The following CCDC178 variants were observed in gnomAD, a reference collection of about 807,000 sequenced individuals.
CCDC178 encodes coiled-coil domain containing 178.
CCDC178 carries 126 observed loss-of-function variants against 117.4 expected under a neutral mutation model. That is an observed-to-expected ratio of 1.07 (90% CI 0.93 to 1.24). CCDC178 has a LOEUF of 1.24. Among genes scored for constraint, CCDC178 ranks in the 50% most tolerant of loss-of-function variants. The probability of loss-of-function intolerance (pLI) is 0.00; values close to 1 mark genes in which losing one functional copy is unlikely to be tolerated. For synonymous variants in CCDC178, 283 were observed against 313.4 expected (o/e 0.90, Z 1.02); for missense variants, 1,030 against 986.9 (o/e 1.04, Z -0.59).
intron 20 of CCDC178, among the ~76,000 whole-genome samples, chr18:33,143,273 T>C (rs1293940251): frequency 6.6e-6 from 1 of 152,166 alleles, no homozygotes; most frequent in African/African-American, 2.4e-5. Flanking sequence ...CTGGAAAGTA[T>C]CTTTTCAGTG....
chr18:33,075,440 G>A (rs1000295571), intron 21 of CCDC178, among the ~76,000 whole-genome samples: 1 of 151,986 alleles, frequency 6.6e-6, no homozygotes, highest in Non-Finnish European at 1.5e-5. Flanking sequence ...TACCACAAAG[G>A]TAAATGCTTG....
chr18:33,083,848 G>C (rs747162236), intron 21 of CCDC178, among the ~76,000 whole-genome samples: 4 of 152,098 alleles, frequency 2.6e-5, no homozygotes, highest in African/African-American at 9.7e-5. Flanking sequence ...TCTTTTTCAT[G>C]ATGTTGATAA....
At chr18:32,956,332 C>T (rs1022065689) in intron 22 of CCDC178, among the ~76,000 whole-genome samples, 1 of 152,234 alleles carries the variant, frequency 6.6e-6, no homozygotes, top group South Asian at 2.1e-4. Flanking sequence ...CTAAGAAATA[C>T]AGCATAAAGT....
intron 11 of CCDC178, among the ~76,000 whole-genome samples, chr18:33,301,847 T>C (rs1382146503): frequency 6.6e-6 from 1 of 152,186 alleles, no homozygotes; most frequent in Non-Finnish European, 1.5e-5. Flanking sequence ...AGATGAGACT[T>C]AGGACTTTGG....
intron 20 of CCDC178, among the ~76,000 whole-genome samples, chr18:33,115,573 C>T (rs534002767): frequency 2.6e-5 from 4 of 152,066 alleles, no homozygotes; most frequent in African/African-American, 7.2e-5. Context: ...TAGTAATCAC[C>T]GAACAAAGAT....
At chr18:33,316,657 G>C (rs2062423261) in intron 11 of CCDC178, among the ~76,000 whole-genome samples, 1 of 152,196 alleles carries the variant, frequency 6.6e-6, no homozygotes, top group Admixed American at 6.5e-5. Context: ...TTTATGTCTA[G>C]CTAAGGGATT....
rs1051962848 is a variant in CCDC178 at position 32,937,950 on chromosome 18, T to G, written c.*61A>C. 1 of 1,298,888 alleles carries G rather than the reference T, an allele frequency of 7.7e-7. No individual in the cohort carries two copies. Among genetic ancestry groups the G allele is most frequent in the Non-Finnish European group, 1.1e-6 (1 of 894,642 alleles). The allele number at this position is 1,298,888 out of a possible 1,614,324, so 80.5% of individuals were successfully genotyped here. A position where few individuals can be genotyped will look rare whatever the true frequency, so the allele number is the denominator to read the frequency against. On this transcript the variant is annotated 3_prime_UTR_variant, in exon 23 of 23. Transcript: ENST00000383096. Reference sequence around the variant, plus strand: ...AGGTGAATGTCCAATTACACTGTTATCTGAACTGTGTGACTTTTCTTGTCT... The same window carrying G: ...AGGTGAATGTCCAATTACACTGTTAGCTGAACTGTGTGACTTTTCTTGTCT...
intron 20 of CCDC178, among the ~76,000 whole-genome samples, chr18:33,198,157 G>A (rs1159866451): frequency 6.6e-6 from 1 of 152,064 alleles, no homozygotes; most frequent in African/African-American, 2.4e-5. Flanking sequence ...AGAGCATCAG[G>A]GCCACATTCA....
intron 14 of CCDC178, among the ~76,000 whole-genome samples, chr18:33,249,562 A>G (rs1486332048): frequency 6.6e-6 from 1 of 152,050 alleles, no homozygotes; most frequent in African/African-American, 2.4e-5. Flanking sequence ...AGGTTTGTTG[A>G]AGATCAGATG....
intron 5 of CCDC178, among the ~76,000 whole-genome samples, chr18:33,373,932 C>T (rs1374042859): frequency 6.6e-6 from 1 of 152,096 alleles, no homozygotes; most frequent in African/African-American, 2.4e-5. Flanking sequence ...AACTCTAAAT[C>T]TGGATTTTAA....
intron 21 of CCDC178, among the ~76,000 whole-genome samples, chr18:33,023,513 T>A (rs1198971193): frequency 1.3e-5 from 2 of 152,138 alleles, no homozygotes; most frequent in African/African-American, 4.8e-5. Flanking sequence ...AAAAAGTACA[T>A]TGAACTGAAT....
At chr18:33,136,399 T>G (rs958233369) in intron 20 of CCDC178, among the ~76,000 whole-genome samples, 2 of 152,166 alleles carry the variant, frequency 1.3e-5, no homozygotes, top group African/African-American at 2.4e-5. Flanking sequence ...CACTATGAGG[T>G]AGCAGAAGCA....
intron 21 of CCDC178, among the ~76,000 whole-genome samples, chr18:33,062,514 A>G (rs925173950): frequency 5.9e-5 from 9 of 152,152 alleles, no homozygotes; most frequent in Non-Finnish European, 1.2e-4. Context: ...AAAGCAGCCA[A>G]CCTGGCTGGA....
intron 20 of CCDC178, among the ~76,000 whole-genome samples, chr18:33,148,679 T>C (rs1028380796): frequency 2.6e-5 from 4 of 152,170 alleles, no homozygotes; most frequent in African/African-American, 9.7e-5. Context: ...CTAGGTGTCA[T>C]GCGACTGAGG....
At position 33,260,012 on chromosome 18, in the gene CCDC178, G is replaced by A. The variant is rs995683257; in HGVS notation, c.1409+6904C>T. ...GAGTATAGTTCAATGAATTTTTAAT[G>A]TGAATACACCAGTACCACCCTCATT... On this transcript the variant is annotated intron_variant, in intron 14 of 22. Transcript: ENST00000383096. 3.3e-5 allele frequency among the ~76,000 whole-genome samples: 5 copies of A among 151,846 alleles called. No individual in the cohort carries two copies. In the East Asian group the frequency reaches 9.7e-4, roughly 29 times the overall value.
At chr18:33,163,501 AATT>A (rs943312698) in intron 20 of CCDC178, among the ~76,000 whole-genome samples, 1 of 152,142 alleles carries the variant, frequency 6.6e-6, no homozygotes, top group Non-Finnish European at 1.5e-5. Flanking sequence ...TTTCTCATAA[AATT>A]ATTATCTATA....
At chr18:33,396,529 G>A (rs2063639420) in intron 4 of CCDC178, among the ~76,000 whole-genome samples, 1 of 152,162 alleles carries the variant, frequency 6.6e-6, no homozygotes, top group South Asian at 2.1e-4. Context: ...AAATGGTATT[G>A]TACAATGGTA....
intron 9 of CCDC178, 84 bp downstream of exon 9, chr18:33,346,127 A>AT (rs927916287): frequency 1.3e-5 from 14 of 1,096,704 alleles, no homozygotes; most frequent in African/African-American, 6.5e-5. Flanking sequence ...CACTAAGACA[A>AT]TTTTTTTAAA....
chr18:33,421,502 A>G (rs2064023735), intron 2 of CCDC178, among the ~76,000 whole-genome samples: 1 of 152,228 alleles, frequency 6.6e-6, no homozygotes, highest in African/African-American at 2.4e-5. Context: ...AAAATGAACC[A>G]TGGTGAATAG....
Sources: allele counts gnomAD v4.1 joint callset (sites outside exome capture counted in the v4.1 genomes callset), GRCh38; gene constraint gnomAD v4.1.1; transcripts MANE v1.5; gene names NCBI Gene and HGNC (gene_info 2026-07-23, HGNC 2026-07-21).